AGPS: variants seen among roughly 807,000 people sequenced by gnomAD.
AGPS encodes the protein alkylglycerone phosphate synthase.
AGPS carries 26 observed loss-of-function variants against 90.7 expected under a neutral mutation model. The ratio of observed to expected loss-of-function variants is 0.29; its 90% confidence interval spans 0.21 to 0.40. The LOEUF (loss-of-function observed/expected upper bound fraction) is 0.40, where lower values mean the gene tolerates loss of function less well. Ranked by LOEUF, AGPS falls within the 10% of genes least tolerant of loss-of-function variation. The probability of loss-of-function intolerance (pLI) is 1.00; values close to 1 mark genes in which losing one functional copy is unlikely to be tolerated. For synonymous variants in AGPS, 294 were observed against 285.3 expected, an observed-to-expected ratio of 1.03 and a Z score of -0.31; for missense variants, 540 against 816.1, an observed-to-expected ratio of 0.66 and a Z score of 4.12.
At chr2:177,400,991 A>G (rs566415929) in intron 1 of AGPS, among the ~76,000 whole-genome samples, 2 of 152,356 alleles carry the variant, frequency 1.3e-5, no homozygotes, top group South Asian at 4.1e-4. Flanking sequence ...CTTTAGTCAC[A>G]TATACTATGG....
intron 16 of AGPS, among the ~76,000 whole-genome samples, chr2:177,509,269 C>T (rs1006215373): frequency 1.3e-5 from 2 of 152,104 alleles, no homozygotes; most frequent in African/African-American, 4.8e-5. Flanking sequence ...TCAGATTTCT[C>T]AAGTTGAAAT....
chr2:177,525,962 A>G (rs979930794), intron 19 of AGPS, among the ~76,000 whole-genome samples: 1 of 152,226 alleles, frequency 6.6e-6, no homozygotes, highest in Non-Finnish European at 1.5e-5. Context: ...AGTCTGTGTA[A>G]ACATACTTGA....
intron 7 of AGPS, among the ~76,000 whole-genome samples, chr2:177,445,183 T>C (rs189496702): frequency 6.6e-6 from 1 of 152,376 alleles, no homozygotes; most frequent in East Asian, 1.9e-4. Flanking sequence ...GAGTACCTCA[T>C]TTAATTATTG....
At chr2:177,434,997 G>GGGTATATATATATA (rs36151985) in intron 3 of AGPS, among the ~76,000 whole-genome samples, 1,419 of 128,026 alleles carry the variant, frequency 0.011, 50 homozygotes, top group African/African-American at 0.023. Flanking sequence ...TAAACTGTAG[G>GGGTATATATATATA]TATATATATA....
chr2:177,499,781 C>G (rs746165983), intron 14 of AGPS, 51 bp downstream of exon 14: 8 of 1,187,386 alleles, frequency 6.7e-6, no homozygotes, highest in Non-Finnish European at 1.0e-5. Context: ...AGCTAAGATT[C>G]TAATATCACC....
intron 1 of AGPS, among the ~76,000 whole-genome samples, chr2:177,401,654 C>T (rs930920915): frequency 6.6e-6 from 1 of 151,976 alleles, no homozygotes; most frequent in Admixed American, 6.6e-5. Flanking sequence ...AAGTGATTCT[C>T]CTGCTTCAGC....
chr2:177,496,946 T>C (rs1688430465), intron 12 of AGPS, among the ~76,000 whole-genome samples: 1 of 152,120 alleles, frequency 6.6e-6, no homozygotes, highest in African/African-American at 2.4e-5. Flanking sequence ...AAAAATTTTG[T>C]ATAAATGGTA....
intron 10 of AGPS, among the ~76,000 whole-genome samples, chr2:177,473,886 T>A (rs1687698520): frequency 6.6e-6 from 1 of 152,238 alleles, no homozygotes; most frequent in Non-Finnish European, 1.5e-5. Context: ...AGTAATGCAA[T>A]GCCTCGTTTT....
At chr2:177,445,450 T>C in intron 7 of AGPS, 96 bp from the exon 8 acceptor site, 1 of 1,078,418 alleles carries the variant, frequency 9.3e-7, no homozygotes, top group Non-Finnish European at 1.4e-6. Context: ...GCTTAATCAC[T>C]GTCTTACCAC....
intron 13 of AGPS, among the ~76,000 whole-genome samples, chr2:177,498,663 A>G (rs1688477933): frequency 1.3e-5 from 2 of 150,900 alleles, no homozygotes; most frequent in South Asian, 2.1e-4. Flanking sequence ...ATTTGTATTT[A>G]TTTCAATTTT....
In AGPS at chr2:177,482,061, A is replaced by T. The variant is rs780944406; in HGVS notation, c.1108A>T (p.Thr370Ser). 6.3e-7 allele frequency: 1 copy of T among 1,598,750 alleles called. No homozygotes were observed. Among genetic ancestry groups the T allele is most frequent in the Non-Finnish European group, 8.5e-7 (1 of 1,170,186 alleles). The change falls in exon 11 of 20, where the codon ACT (threonine) becomes TCT (serine). Residue 370 changes from threonine (T) to serine (S), a missense_variant and splice_region_variant. Physicochemically the swap from Thr to Ser is moderately conservative, Grantham distance 58. Coordinates refer to ENST00000264167, the MANE Select transcript of AGPS (RefSeq NM_003659.4). ...IHHFIMGSEG[T>S]LGVITEATIK... is the part of the protein sequence containing the mutation. Reference sequence around the variant, plus strand: ...TTATTCCCCCTTCTTTTTTTCAGGAACTCTTGGTGTAATAACAGAAGCTAC... The same window carrying T: ...TTATTCCCCCTTCTTTTTTTCAGGATCTCTTGGTGTAATAACAGAAGCTAC...
At chr2:177,515,180 T>C (rs1332453490) in intron 17 of AGPS, among the ~76,000 whole-genome samples, 1 of 151,950 alleles carries the variant, frequency 6.6e-6, no homozygotes, top group Non-Finnish European at 1.5e-5. Flanking sequence ...GGGGTATCTT[T>C]AACAATGCAC....
At chr2:177,510,044 C>T (rs566925677) in intron 16 of AGPS, among the ~76,000 whole-genome samples, 4 of 152,288 alleles carry the variant, frequency 2.6e-5, no homozygotes, top group South Asian at 2.1e-4. Flanking sequence ...AACCTTTTAA[C>T]GCGTCTAAGA....
At position 177,539,098 on chromosome 2, in the gene AGPS, GA is replaced by G. The variant is rs1225986623; in HGVS notation, c.*905del. On this transcript the variant is annotated 3_prime_UTR_variant, in exon 20 of 20. Coordinates refer to ENST00000264167, the MANE Select transcript of AGPS (RefSeq NM_003659.4). ...TTAGACTTAATGTCTCCAATTGCAA[GA>G]ATTGTTTCACTAAAGAAACAGTCAT... 1.3e-5 allele frequency: 2 copies of G among 151,974 alleles called. No individual in the cohort carries two copies. The highest frequency in any genetic ancestry group is 4.8e-5 in the African/African-American group (2 of 41,390). 9.4% of individuals were successfully genotyped at this position (151,974 alleles called of 1,614,324 possible).
intron 2 of AGPS, among the ~76,000 whole-genome samples, chr2:177,432,239 C>CT (rs1408139642): frequency 6.6e-6 from 1 of 152,164 alleles, no homozygotes; most frequent in African/African-American, 2.4e-5. Flanking sequence ...ATAATATAGT[C>CT]TATTTCAGCC....
In AGPS at chr2:177,474,312, A is replaced by G. The variant is rs534831006; in HGVS notation, c.1105+5788A>G. 1.8e-3 allele frequency among the ~76,000 whole-genome samples: 279 copies of G among 152,316 alleles called. 2 individuals carry two copies. Among genetic ancestry groups the G allele is most frequent in the African/African-American group, 6.5e-3 (270 of 41,570 alleles). On this transcript the variant is annotated intron_variant, in intron 10 of 19. Transcript: ENST00000264167. ...TAAAATCTTGTTGTATGACTAGGAA[A>G]AAATTAGCCATGCAGACACGTTGAA...
At chr2:177,526,100 TAGTCC>T (rs1233343688) in intron 19 of AGPS, among the ~76,000 whole-genome samples, 1 of 152,202 alleles carries the variant, frequency 6.6e-6, no homozygotes, top group Non-Finnish European at 1.5e-5. Flanking sequence ...GCTATGGTAA[TAGTCC>T]ATTATAGTAA....
chr2:177,537,867 A>T (rs1054646466), intron 19 of AGPS, among the ~76,000 whole-genome samples: 2 of 152,128 alleles, frequency 1.3e-5, no homozygotes, highest in Admixed American at 1.3e-4. Flanking sequence ...GAAAGGAGAC[A>T]CTGTGGAGCA....
chr2:177,501,242 G>A (rs771596578), intron 14 of AGPS, among the ~76,000 whole-genome samples: 27 of 151,860 alleles, frequency 1.8e-4, no homozygotes, highest in African/African-American at 5.1e-4. Context: ...CACCTCAGTC[G>A]TCTCTCTGCT....
Sources: gnomAD v4.1 joint callset for allele counts (sites outside exome capture counted in the v4.1 genomes callset) on GRCh38, gnomAD v4.1.1 for gene constraint, MANE v1.5 for transcripts, NCBI Gene and HGNC (gene_info 2026-07-23, HGNC 2026-07-21) for gene names.